The following MIR2052HG variants were observed in gnomAD, a reference collection of about 807,000 sequenced individuals.
The protein encoded by MIR2052HG is MIR2052 host gene.
intron 2 of MIR2052HG, among the ~76,000 whole-genome samples, chr8:74,664,522 AT>A (rs971863200): frequency 6.6e-6 from 1 of 151,066 alleles, no homozygotes; most frequent in African/African-American, 2.4e-5. Flanking sequence ...TTCCTTTTTT[AT>A]TTTTATTTTT....
At chr8:74,710,822 T>C (rs1054125526) in intron 4 of MIR2052HG, among the ~76,000 whole-genome samples, 1 of 152,172 alleles carries the variant, frequency 6.6e-6, no homozygotes, top group African/African-American at 2.4e-5. Context: ...TTTATCTGAT[T>C]ATGAGGGAAC....
chr8:74,608,029 A>C (rs1001734596), intron 1 of MIR2052HG, among the ~76,000 whole-genome samples: 1 of 152,234 alleles, frequency 6.6e-6, no homozygotes, highest in Non-Finnish European at 1.5e-5. Flanking sequence ...AAAGGTGTCC[A>C]AAAACTCTCC....
At chr8:74,729,777 A>G (rs930568426) in intron 4 of MIR2052HG, among the ~76,000 whole-genome samples, 3 of 152,178 alleles carry the variant, frequency 2.0e-5, no homozygotes, top group Non-Finnish European at 2.9e-5. Context: ...GGGGTAGGAA[A>G]ACATAAAGAT....
chr8:74,639,637 T>C (rs890818775), intron 2 of MIR2052HG, among the ~76,000 whole-genome samples: 49 of 152,192 alleles, frequency 3.2e-4, no homozygotes, highest in African/African-American at 1.1e-3. Context: ...TAGCCCATGA[T>C]ATATATGAAA....
At chr8:74,620,569 G>C (rs1289673112) in intron 2 of MIR2052HG, among the ~76,000 whole-genome samples, 1 of 152,258 alleles carries the variant, frequency 6.6e-6, no homozygotes, top group Admixed American at 6.5e-5. Flanking sequence ...TGTGTAAGCT[G>C]CCAAAGCTTG....
At chr8:74,699,450 TACTC>T (rs750378475) in intron 2 of MIR2052HG, among the ~76,000 whole-genome samples, 1 of 151,416 alleles carries the variant, frequency 6.6e-6, no homozygotes, top group Non-Finnish European at 1.5e-5. Context: ...CATGGAATCA[TACTC>T]AGTCATAAAA....
intron 2 of MIR2052HG, among the ~76,000 whole-genome samples, chr8:74,685,250 A>C (rs749708356): frequency 6.6e-6 from 1 of 152,058 alleles, no homozygotes; most frequent in Non-Finnish European, 1.5e-5. Context: ...CTAAGATATA[A>C]TTTCACTTGA....
At chr8:74,709,868 G>T (rs1232940218) in intron 4 of MIR2052HG, among the ~76,000 whole-genome samples, 1 of 152,028 alleles carries the variant, frequency 6.6e-6, no homozygotes, top group Non-Finnish European at 1.5e-5. Flanking sequence ...TTGTATTTTT[G>T]TATGGATTTT....
intron 5 of MIR2052HG, chr8:74,756,827 C>G (rs975486826): frequency 6.6e-6 from 1 of 152,178 alleles, no homozygotes; most frequent in Non-Finnish European, 1.5e-5. Flanking sequence ...AGCCACTCCC[C>G]CAACCCCAGC....
chr8:74,696,701 A>G (rs1019809756), intron 2 of MIR2052HG, among the ~76,000 whole-genome samples: 2 of 152,106 alleles, frequency 1.3e-5, no homozygotes, highest in African/African-American at 4.8e-5. Flanking sequence ...CTCTAATTGC[A>G]CAAACTAGGA....
At chr8:74,600,200 C>T (rs1014045570) in intron 1 of MIR2052HG, among the ~76,000 whole-genome samples, 2 of 152,102 alleles carry the variant, frequency 1.3e-5, no homozygotes, top group South Asian at 2.1e-4. Flanking sequence ...GCGTCACTCA[C>T]GCTGGGAGCT....
intron 2 of MIR2052HG, among the ~76,000 whole-genome samples, chr8:74,634,881 T>C: frequency 6.6e-6 from 1 of 152,114 alleles, no homozygotes; most frequent in East Asian, 1.9e-4. Context: ...GATTGATTAA[T>C]TGATCCACTC....
At chr8:74,750,311 A>G (rs12549222) in intron 4 of MIR2052HG, among the ~76,000 whole-genome samples, 35,535 of 152,130 alleles carry the variant, frequency 0.23, 5,312 homozygotes, top group East Asian at 0.63. Flanking sequence ...ACTGAAGAAG[A>G]GAGTGGTTCA....
intron 2 of MIR2052HG, among the ~76,000 whole-genome samples, chr8:74,635,569 C>T (rs1368539937): frequency 2.0e-5 from 3 of 152,048 alleles, no homozygotes. Flanking sequence ...AAATAAAGTT[C>T]GAAATTCAAA....
intron 2 of MIR2052HG, among the ~76,000 whole-genome samples, chr8:74,646,488 CAGAG>C (rs770608978): frequency 3.3e-5 from 5 of 152,110 alleles, no homozygotes; most frequent in African/African-American, 4.8e-5. Context: ...GTGACATTGA[CAGAG>C]AGAGCAAATG....
At chr8:74,711,703 A>C (rs1809469848) in intron 4 of MIR2052HG, among the ~76,000 whole-genome samples, 1 of 152,192 alleles carries the variant, frequency 6.6e-6, no homozygotes, top group South Asian at 2.1e-4. Flanking sequence ...ATTTCCCTTT[A>C]CATTTGTACA....
intron 4 of MIR2052HG, among the ~76,000 whole-genome samples, chr8:74,749,589 G>A (rs1346135189): frequency 2.6e-5 from 4 of 152,192 alleles, no homozygotes; most frequent in East Asian, 1.9e-4. Flanking sequence ...AGTGGCTCAC[G>A]TCTGTAATCC....
At chr8:74,614,339 T>A (rs76462735) in intron 2 of MIR2052HG, among the ~76,000 whole-genome samples, 12,107 of 152,210 alleles carry the variant, frequency 0.08, 780 homozygotes, top group African/African-American at 0.18. Context: ...CTTTTTTCTC[T>A]GCATTCAGAA....
At chr8:74,712,088 CTT>C (rs1252231405) in intron 4 of MIR2052HG, among the ~76,000 whole-genome samples, 2 of 152,150 alleles carry the variant, frequency 1.3e-5, no homozygotes, top group African/African-American at 2.4e-5. Flanking sequence ...TCACATCTAT[CTT>C]TTGTTATTTG....
Sources: allele counts gnomAD v4.1 joint callset (sites outside exome capture counted in the v4.1 genomes callset), GRCh38; gene constraint gnomAD v4.1.1; transcripts MANE v1.5; gene names NCBI Gene and HGNC (gene_info 2026-07-23, HGNC 2026-07-21).